Variants in USP13 observed in about 807,000 individuals in gnomAD.
USP13 encodes ubiquitin carboxyl-terminal hydrolase 13.
USP13 carries 68 observed loss-of-function variants against 107.8 expected under a neutral mutation model. The observed-to-expected ratio is 0.63, with a 90% CI of 0.52 to 0.77. The LOEUF (loss-of-function observed/expected upper bound fraction) is 0.77. Ranked by LOEUF, USP13 falls within the 30% of genes least tolerant of loss-of-function variation. The probability of loss-of-function intolerance (pLI) is 0.00; values close to 1 mark genes in which losing one functional copy is unlikely to be tolerated. For synonymous variants in USP13, 377 were observed against 389.5 expected, an observed-to-expected ratio of 0.97 and a Z score of 0.38; for missense variants, 945 against 1,093.3, an observed-to-expected ratio of 0.86 and a Z score of 1.91.
chr3:179,693,750 T>A (rs967026085), intron 3 of USP13, among the ~76,000 whole-genome samples: 12 of 152,136 alleles, frequency 7.9e-5, no homozygotes, highest in African/African-American at 2.7e-4. Flanking sequence ...GTCGGCTCAC[T>A]GCAATATCCG....
chr3:179,676,165 AC>A (rs1367191239), intron 1 of USP13, among the ~76,000 whole-genome samples: 1 of 151,762 alleles, frequency 6.6e-6, no homozygotes, highest in African/African-American at 2.4e-5. Flanking sequence ...CTTTCCCTTC[AC>A]CTTCCGCCAT....
chr3:179,702,380 C>T (rs1424499037), intron 4 of USP13, among the ~76,000 whole-genome samples: 1 of 152,194 alleles, frequency 6.6e-6, no homozygotes, highest in African/African-American at 2.4e-5. Flanking sequence ...AGAGCCTGGC[C>T]ACAGATGGCA....
In USP13 at chr3:179,673,083, A is replaced by G. The variant is rs550552936; in HGVS notation, c.169-8795A>G. 4.6e-5 allele frequency among the ~76,000 whole-genome samples: 7 copies of G among 152,294 alleles called. No homozygotes were observed. The South Asian group carries it at 1.5e-3, about 32-fold the overall frequency. On this transcript the variant is annotated intron_variant, in intron 1 of 20. Coordinates refer to ENST00000263966, the MANE Select transcript of USP13 (RefSeq NM_003940.3). Reference sequence around the variant, plus strand: ...GTAGGGTTCAAGTGTCCAGGCTGCTAAGAGTGACTTCAGCCAAACAAACCT... The same window carrying G: ...GTAGGGTTCAAGTGTCCAGGCTGCTGAGAGTGACTTCAGCCAAACAAACCT...
At chr3:179,670,996 C>T (rs1268460617) in intron 1 of USP13, among the ~76,000 whole-genome samples, 1 of 152,004 alleles carries the variant, frequency 6.6e-6, no homozygotes, top group Non-Finnish European at 1.5e-5. Context: ...CATGTCCGGC[C>T]AATCCCAGCA....
At chr3:179,736,788 T>C (rs2108509195) in intron 10 of USP13, among the ~76,000 whole-genome samples, 1 of 152,300 alleles carries the variant, frequency 6.6e-6, no homozygotes, top group Non-Finnish European at 1.5e-5. Context: ...CTCCTTCTGG[T>C]TGTATGGCCA....
intron 8 of USP13, among the ~76,000 whole-genome samples, chr3:179,727,753 C>T (rs865799601): frequency 1.3e-4 from 12 of 90,930 alleles, no homozygotes; most frequent in Admixed American, 2.3e-4. Flanking sequence ...CGGGCAGAGG[C>T]GCCCCTCACC....
At chr3:179,719,390 A>C (rs1474312416) in intron 6 of USP13, among the ~76,000 whole-genome samples, 1 of 152,160 alleles carries the variant, frequency 6.6e-6, no homozygotes, top group East Asian at 1.9e-4. Flanking sequence ...GGTAGGAAAG[A>C]AGGGATGTCG....
At chr3:179,665,672 G>T (rs1341191904) in intron 1 of USP13, among the ~76,000 whole-genome samples, 4 of 151,046 alleles carry the variant, frequency 2.6e-5, no homozygotes, top group African/African-American at 9.8e-5. Flanking sequence ...TGCCACCTCC[G>T]CCTCCTCGAT....
In USP13 at chr3:179,721,867, C is replaced by T. The variant is rs1576951956; in HGVS notation, c.1088+278C>T. Among the ~76,000 whole-genome samples, 1 of 151,860 alleles carries T rather than the reference C, an allele frequency of 6.6e-6. No homozygotes were observed. Among genetic ancestry groups the T allele is most frequent in the Non-Finnish European group, 1.5e-5 (1 of 67,980 alleles). On this transcript the variant is annotated intron_variant, in intron 8 of 20. Coordinates refer to ENST00000263966, the MANE Select transcript of USP13 (RefSeq NM_003940.3). The surrounding 1 kb of genome is among the most constrained non-coding windows in gnomAD (Gnocchi z 4.3). ...CGGGCAGATCACGAGGTCAGGAGTT[C>T]AAGACCAGCCTGACCAACATGACGA...
intron 3 of USP13, among the ~76,000 whole-genome samples, chr3:179,700,581 A>G (rs1238422111): frequency 6.6e-6 from 1 of 150,820 alleles, no homozygotes; most frequent in Non-Finnish European, 1.5e-5. Context: ...ATGATGTTGC[A>G]AAAAAAAACC....
chr3:179,737,462 A>G (rs908798323), intron 10 of USP13, among the ~76,000 whole-genome samples: 14 of 152,260 alleles, frequency 9.2e-5, no homozygotes, highest in African/African-American at 2.7e-4. Context: ...GTTAGCCATT[A>G]TATGAAGCTA....
rs9758564 is a variant in USP13 at position 179,728,172 on chromosome 3, C to T, written c.1089-2017C>T. 1.1e-3 allele frequency among the ~76,000 whole-genome samples: 157 copies of T among 143,144 alleles called. 1 individual carries two copies. The East Asian group carries it at 0.015, about 14-fold the overall frequency. 93.9% of individuals were successfully genotyped at this position (143,144 alleles called of 152,430 possible). On this transcript the variant is annotated intron_variant, in intron 8 of 20. Transcript: ENST00000263966. ...CCGGGCAGAGGCGCCCCTCACCTCC[C>T]GGACGGGGCGGCTGGCCTGGCGGGG...
chr3:179,662,568 C>T (rs1720485862), intron 1 of USP13, among the ~76,000 whole-genome samples: 1 of 152,180 alleles, frequency 6.6e-6, no homozygotes, highest in Admixed American at 6.5e-5. Context: ...AATCCCTTTG[C>T]TGTCCTTTGA....
intron 1 of USP13, among the ~76,000 whole-genome samples, chr3:179,674,191 C>A (rs1231628572): frequency 1.3e-5 from 2 of 152,182 alleles, no homozygotes; most frequent in East Asian, 1.9e-4. Context: ...CTGCGCCCGG[C>A]CTGTTTTGAG....
At chr3:179,694,271 G>A (rs1040478792) in intron 3 of USP13, among the ~76,000 whole-genome samples, 6 of 152,102 alleles carry the variant, frequency 3.9e-5, no homozygotes, top group South Asian at 2.1e-4. Flanking sequence ...CACTGTGCCC[G>A]GCCGATTCTG....
chr3:179,727,767 C>T (rs1446105283), intron 8 of USP13, among the ~76,000 whole-genome samples: 1 of 82,996 alleles, frequency 1.2e-5, no homozygotes, highest in African/African-American at 4.1e-5. Flanking sequence ...CCTCACCTCC[C>T]GGACGGGGCG....
At chr3:179,699,876 G>A (rs1188105184) in intron 3 of USP13, among the ~76,000 whole-genome samples, 1 of 151,612 alleles carries the variant, frequency 6.6e-6, no homozygotes, top group Non-Finnish European at 1.5e-5. Flanking sequence ...AACATACAAG[G>A]TAATAACAGA....
Position 179,740,375 on chromosome 3 carries a change from G to GAGTAGTCAGTCTTCAA in USP13, c.1380+18_1380+19insAAGTAGTCAGTCTTCA. On this transcript the variant is annotated splice_donor_region_variant and intron_variant, in intron 11 of 20. Transcript: ENST00000263966. ...TGCACCTGGTGAATCTAGTAGAGGT[G>GAGTAGTCAGTCTTCAA]AGTAGTCAGTCTTCACGGATGCTCA... is the stretch of plus-strand genomic sequence containing the variant. The GAGTAGTCAGTCTTCAA allele has an allele frequency of 1.9e-6, 3 of 1,613,994 alleles. No individual in the cohort carries two copies. Among genetic ancestry groups the GAGTAGTCAGTCTTCAA allele is most frequent in the Non-Finnish European group, 2.5e-6 (3 of 1,179,930 alleles).
At chr3:179,706,823 G>A in intron 4 of USP13, 111 bp from the exon 5 acceptor site, 1 of 1,289,576 alleles carries the variant, frequency 7.8e-7, no homozygotes. Context: ...CAACTACGCT[G>A]TTTGCGTTTC....
Sources: gnomAD v4.1 joint callset for allele counts (sites outside exome capture counted in the v4.1 genomes callset) on GRCh38, gnomAD v4.1.1 for gene constraint, Gnocchi (gnomAD v3.1) non-coding constraint, MANE v1.5 for transcripts, NCBI Gene and HGNC (gene_info 2026-07-23, HGNC 2026-07-21) for gene names.